Variants in TSPAN19 observed in about 807,000 individuals in gnomAD.
TSPAN19 encodes tetraspanin-19.
TSPAN19 carries 44 observed loss-of-function variants against 35.1 expected under a neutral mutation model. That is an observed-to-expected ratio of 1.25 (90% CI 0.98 to 1.61). TSPAN19 has a LOEUF of 1.61. Among genes scored for constraint, TSPAN19 ranks in the 40% most tolerant of loss-of-function variants. The pLI is 0.00. For synonymous variants in TSPAN19, 79 were observed against 92.0 expected (o/e 0.86, Z 0.81); for missense variants, 290 against 280.0 (o/e 1.04, Z -0.26).
At chr12:85,026,037 T>A (rs778839821) in intron 4 of TSPAN19, among the ~76,000 whole-genome samples, 2 of 152,166 alleles carry the variant, frequency 1.3e-5, no homozygotes, top group South Asian at 4.1e-4. Context: ...ATCTGTCAGA[T>A]CCTATGTTCA....
intron 3 of TSPAN19, 60 bp downstream of exon 3, chr12:85,029,659 T>C (rs2135814797): frequency 5.4e-6 from 7 of 1,285,168 alleles, no homozygotes; most frequent in African/African-American, 1.5e-5. Context: ...AAATTGTGTA[T>C]ACAACTGTTA....
intron 6 of TSPAN19, 91 bp from the exon 7 acceptor site, chr12:85,017,690 G>T: frequency 1.1e-6 from 1 of 946,454 alleles, no homozygotes; most frequent in South Asian, 1.9e-5. Context: ...TTGTGATGAA[G>T]ATAACTCATT....
chr12:85,014,742 T>G (rs1679226023), intron 8 of TSPAN19, 187 bp from the exon 9 acceptor site: 1 of 463,424 alleles, frequency 2.2e-6, no homozygotes, highest in African/African-American at 2.1e-5. Flanking sequence ...TCTTCAAGAA[T>G]AACCCACCTG....
chr12:85,031,639 A>G (rs886971192), intron 1 of TSPAN19, among the ~76,000 whole-genome samples: 2 of 152,180 alleles, frequency 1.3e-5, no homozygotes, highest in East Asian at 1.9e-4. Context: ...GTTCACTTCT[A>G]GAAAATCATG....
chr12:85,022,651 A>G (rs923269815), intron 5 of TSPAN19, among the ~76,000 whole-genome samples: 5 of 152,144 alleles, frequency 3.3e-5, no homozygotes, highest in Admixed American at 6.6e-5. Context: ...TCATATCTGT[A>G]TGACTTCAAG....
intron 6 of TSPAN19, 40 bp downstream of exon 6, chr12:85,019,586 T>C (rs755329391): frequency 4.0e-6 from 5 of 1,252,814 alleles, no homozygotes; most frequent in Non-Finnish European, 5.9e-6. Flanking sequence ...CCCACAGTGG[T>C]CAATACTGAC....
rs1388804095 is a variant in TSPAN19, at chr12:85,023,353, T to C, written c.312A>G (p.Ser104=). ...TWTFAVQVVL[S]AFIITKKEEV... is the part of the protein sequence containing the mutation. ...CCTCTTTCTTTGTGATGATGAATGC[T>C]GAAAGTACAACCTGAACAGCAAAGG... The change falls in exon 5 of 9, where the codon TCA becomes TCG. Residue 104 remains serine, a synonymous_variant. Coordinates refer to ENST00000532498, the MANE Select transcript of TSPAN19 (RefSeq NM_001100917.2). 2 of 1,588,556 alleles carry C rather than the reference T, an allele frequency of 1.3e-6. No individual in the cohort carries two copies. The highest frequency in any genetic ancestry group is 1.2e-5 in the South Asian group (1 of 86,722).
At chr12:85,028,874 A>C (rs1877550855) in intron 3 of TSPAN19, among the ~76,000 whole-genome samples, 1 of 152,158 alleles carries the variant, frequency 6.6e-6, no homozygotes, top group African/African-American at 2.4e-5. Flanking sequence ...GAGGCACCTA[A>C]ACCAGTTGGG....
intron 1 of TSPAN19, among the ~76,000 whole-genome samples, chr12:85,033,545 G>C (rs1196484148): frequency 1.3e-5 from 2 of 152,060 alleles, no homozygotes; most frequent in Non-Finnish European, 1.5e-5. Context: ...ATGGAATGTA[G>C]TCTGTAGAAA....
At chr12:85,014,745 C>A in intron 8 of TSPAN19, 190 bp from the exon 9 acceptor site, 1 of 459,386 alleles carries the variant, frequency 2.2e-6, no homozygotes, top group East Asian at 3.7e-5. Context: ...TCAAGAATAA[C>A]CCACCTGTTA....
intron 5 of TSPAN19, 124 bp from the exon 6 acceptor site, chr12:85,019,860 C>G: frequency 3.6e-6 from 2 of 552,792 alleles, no homozygotes; most frequent in Admixed American, 7.0e-5. Context: ...TTTCTGTTTT[C>G]TGTTTATTTC....
Position 85,029,793 on chromosome 12 carries a change from TA to T in TSPAN19, c.67-3del, listed in dbSNP as rs757537277. Reference sequence around the variant, plus strand: ...TCCCATGAATAAAAGTCCAAGAACCTAAAAAAAGAAAGTCAATGCTTATTTT... The same window carrying T: ...TCCCATGAATAAAAGTCCAAGAACCTAAAAAAGAAAGTCAATGCTTATTTT... On this transcript the variant is annotated splice_region_variant and splice_polypyrimidine_tract_variant and intron_variant, in intron 2 of 8. Coordinates refer to ENST00000532498, the MANE Select transcript of TSPAN19 (RefSeq NM_001100917.2). 3 of 1,540,518 alleles carry T rather than the reference TA, an allele frequency of 1.9e-6. No homozygotes were observed. The highest frequency in any genetic ancestry group is 1.2e-5 in the South Asian group (1 of 80,678).
At chr12:85,023,516 A>C in intron 4 of TSPAN19, 116 bp from the exon 5 acceptor site, 1 of 709,872 alleles carries the variant, frequency 1.4e-6, no homozygotes, top group South Asian at 2.4e-5. Flanking sequence ...ATATATGGGT[A>C]TTGCTGAGGC....
At chr12:85,016,799 A>G (rs964422624) in intron 7 of TSPAN19, 1 of 151,848 alleles carries the variant, frequency 6.6e-6, no homozygotes, top group African/African-American at 2.4e-5. Context: ...ATATCACCAC[A>G]TAAAATGGTT....
At chr12:85,018,240 A>G (rs1246817326) in intron 6 of TSPAN19, among the ~76,000 whole-genome samples, 1 of 151,946 alleles carries the variant, frequency 6.6e-6, no homozygotes, top group African/African-American at 2.4e-5. Flanking sequence ...CTTAGGAAAT[A>G]AGAGAAAGGT....
chr12:85,014,589 T>G, intron 8 of TSPAN19, 34 bp from the exon 9 acceptor site: 4 of 1,483,142 alleles, frequency 2.7e-6, no homozygotes, highest in Non-Finnish European at 3.7e-6. Context: ...AGATTAAAAT[T>G]TAATCAATGA....
chr12:85,015,753 G>T, intron 8 of TSPAN19, 135 bp downstream of exon 8: 1 of 591,194 alleles, frequency 1.7e-6, no homozygotes, highest in Non-Finnish European at 2.8e-6. Context: ...TACAACTCTT[G>T]GATGTAAAGA....
At position 85,029,806 on chromosome 12, in the gene TSPAN19, T is replaced by C. The variant is rs376725281; in HGVS notation, c.67-15A>G. Reference sequence around the variant, plus strand: ...AGTCCAAGAACCTAAAAAAAGAAAGTCAATGCTTATTTTTTTGTAATTGCC... The same window carrying C: ...AGTCCAAGAACCTAAAAAAAGAAAGCCAATGCTTATTTTTTTGTAATTGCC... On this transcript the variant is annotated splice_polypyrimidine_tract_variant and intron_variant, in intron 2 of 8. Transcript: ENST00000532498. 1 of 1,540,032 alleles carries C rather than the reference T, an allele frequency of 6.5e-7. No individual in the cohort carries two copies. Among genetic ancestry groups the C allele is most frequent in the African/African-American group, 1.4e-5 (1 of 72,152 alleles).
rs111432701 is a variant in TSPAN19 at position 85,022,976 on chromosome 12, T to C, written c.339+350A>G. On this transcript the variant is annotated intron_variant, in intron 5 of 8. Coordinates refer to ENST00000532498, the MANE Select transcript of TSPAN19 (RefSeq NM_001100917.2). ...CTAAATTTGTTTCTTTGCAAAAACA[T>C]AATACAGTGATTGGGTCAGTAGTGG... Among the ~76,000 whole-genome samples, 492 of 152,232 alleles carry C rather than the reference T, an allele frequency of 3.2e-3. 5 individuals carry two copies. Among genetic ancestry groups the C allele is most frequent in the African/African-American group, 0.011 (468 of 41,564 alleles).
Sources: allele counts gnomAD v4.1 joint callset (sites outside exome capture counted in the v4.1 genomes callset), GRCh38; gene constraint gnomAD v4.1.1; transcripts MANE v1.5; gene names NCBI Gene and HGNC (gene_info 2026-07-23, HGNC 2026-07-21).